Variants in IGHMBP2 observed in about 807,000 individuals in gnomAD.
The protein encoded by IGHMBP2 is immunoglobulin mu DNA binding protein 2.
Under a neutral mutation model 96.0 loss-of-function variants are expected in IGHMBP2, and 81 were observed. The ratio of observed to expected loss-of-function variants is 0.84; its 90% CI spans 0.71 to 1.01. The LOEUF is 1.01. IGHMBP2 is among the 50% of genes least tolerant of loss of function. IGHMBP2 has a pLI of 0.00. For missense variants in IGHMBP2, 1,227 were observed against 1,306.3 expected, an observed-to-expected ratio of 0.94 and a Z score of 0.94; for synonymous variants, 557 against 548.9, an observed-to-expected ratio of 1.01 and a Z score of -0.21.
At chr11:68,914,386 C>T (rs1041751989) in intron 5 of IGHMBP2, among the ~76,000 whole-genome samples, 1 of 152,142 alleles carries the variant, frequency 6.6e-6, no homozygotes, top group South Asian at 2.1e-4. Flanking sequence ...TTCCCTTGTC[C>T]CCCTCGCAGG....
At chr11:68,911,179 A>G (rs546699959) in intron 4 of IGHMBP2, among the ~76,000 whole-genome samples, 298 of 152,256 alleles carry the variant, frequency 2.0e-3, no homozygotes, top group Admixed American at 3.9e-3. Flanking sequence ...TATGTAAATC[A>G]ATGGGTGTGG....
chr11:68,935,074 A>T (rs562428047), intron 11 of IGHMBP2, among the ~76,000 whole-genome samples: 1 of 152,350 alleles, frequency 6.6e-6, no homozygotes, highest in South Asian at 2.1e-4. Context: ...CGGCTGTCAT[A>T]AGCCAAAAGA....
At chr11:68,904,718 A>G (rs142513203) in intron 1 of IGHMBP2, among the ~76,000 whole-genome samples, 178 of 152,190 alleles carry the variant, frequency 1.2e-3, no homozygotes, top group African/African-American at 4.1e-3. Flanking sequence ...AATCAGAGCT[A>G]ACACTTACGT....
Position 68,906,157 on chromosome 11 carries a change from C to T in IGHMBP2, c.175C>T (p.Leu59=), listed in dbSNP as rs1388384906. ...GCAGGTATCCAGCCAGCGCACTGGG[C>T]TGTACGGACGGCTGCTGGTCACCTT... The part of the protein sequence containing the change: ...KLQVSSQRTG[L]YGRLLVTFEP... Residue 59 remains leucine, a synonymous_variant, in exon 2 of 15, where the codon CTG becomes TTG. Transcript: ENST00000255078. 16 of 1,614,030 alleles carry T rather than the reference C, an allele frequency of 9.9e-6. No homozygotes were observed. Among genetic ancestry groups the T allele is most frequent in the Non-Finnish European group, 1.4e-5 (16 of 1,180,020 alleles).
chr11:68,930,491 G>A (rs1295596948), intron 8 of IGHMBP2: 8 of 1,271,976 alleles, frequency 6.3e-6, no homozygotes, highest in Admixed American at 2.4e-5. Flanking sequence ...GGAGGAAGAT[G>A]TTGGAAATAA....
In IGHMBP2 at chr11:68,933,304, C is replaced by T. The variant is rs1465465295; in HGVS notation, c.1241C>T (p.Ala414Val). The T allele has an allele frequency of 2.5e-6, 4 of 1,611,904 alleles. No homozygotes were observed. Among genetic ancestry groups the T allele is most frequent in the East Asian group, 2.2e-5 (1 of 44,854 alleles). Residue 414 changes from alanine (A) to valine (V), a missense_variant, in exon 9 of 15, where the codon GCG (alanine) becomes GTG (valine). Ala to Val is a moderately conservative substitution (Grantham distance 64). Around this residue, in one of 3 missense-constraint regions of IGHMBP2, gnomAD observed 17 missense variants for 39.1 expected, o/e 0.43. Coordinates refer to ENST00000255078, the MANE Select transcript of IGHMBP2 (RefSeq NM_002180.3). The stretch of plus-strand genomic sequence containing the variant: ...TTTCTCCCTCCTGGGCGCAGGGCTG[C>T]GCTGGCAGGACTGTCACTCAGCCTG... ...LPPTTVSHKA[A>V]LAGLSLSLME...
rs746248057 is a variant in IGHMBP2 at position 68,937,024 on chromosome 11, C to G, written c.2544C>G (p.Pro848=). 1.9e-6 allele frequency: 3 copies of G among 1,608,068 alleles called. No homozygotes were observed. In the African/African-American group the frequency reaches 4.0e-5, roughly 21 times the overall value. The part of the protein sequence containing the change: ...LQRVRSAQGQ[P]ASKEQQASGQ... ...GGGTCAGGAGCGCGCAGGGGCAGCC[C>G]GCCAGCAAGGAGCAGCAGGCCTCAG... The change falls in exon 13 of 15, where the codon CCC becomes CCG. Residue 848 remains proline, a synonymous_variant. Transcript: ENST00000255078.
chr11:68,917,821 G>T lies in IGHMBP2; in HGVS notation c.998G>T (p.Arg333Met). 1 of 1,614,064 alleles carries T rather than the reference G, an allele frequency of 6.2e-7. No homozygotes were observed. The highest frequency in any genetic ancestry group is 8.5e-7 in the Non-Finnish European group (1 of 1,179,902). Residue 333 changes from arginine to methionine, a missense_variant, in exon 7 of 15, where the codon AGG (arginine) becomes ATG (methionine). Coordinates refer to ENST00000255078, the MANE Select transcript of IGHMBP2 (RefSeq NM_002180.3). Reference sequence around the variant, plus strand: ...CTGTTAAGAAAAGAACTGAAGGAGAGGGAAGAAGCAGCTATGCTCGAGAGC... The same window carrying T: ...CTGTTAAGAAAAGAACTGAAGGAGATGGAAGAAGCAGCTATGCTCGAGAGC... ...IKLLRKELKE[R>M]EEAAMLESLT... is the part of the protein sequence containing the mutation.
At chr11:68,924,530 T>C (rs1858994547) in intron 7 of IGHMBP2, among the ~76,000 whole-genome samples, 1 of 152,228 alleles carries the variant, frequency 6.6e-6, no homozygotes, top group African/African-American at 2.4e-5. Flanking sequence ...CTGGAAAGGA[T>C]CTTTCTTCAG....
chr11:68,933,409 T>G lies in IGHMBP2; in HGVS notation c.1346T>G (p.Met449Arg). The change falls in exon 9 of 15, where the codon ATG becomes AGG. Residue 449 changes from methionine to arginine, a missense_variant. Met to Arg is a moderately conservative substitution (Grantham distance 91). Transcript: ENST00000255078. Reference protein sequence around the residue: ...TVQYRMHQAIMRWASDTMYLG... With the variant: ...TVQYRMHQAIRRWASDTMYLG... ...CAGTACCGCATGCACCAGGCTATCA[T>G]GCGCTGGGCCTCAGACACCATGTAC... The G allele has an allele frequency of 1.2e-6, 2 of 1,613,296 alleles. No individual in the cohort carries two copies. The highest frequency in any genetic ancestry group is 1.7e-6 in the Non-Finnish European group (2 of 1,179,918).
At chr11:68,905,946 T>C in intron 1 of IGHMBP2, 123 bp from the exon 2 acceptor site, 2 of 985,040 alleles carry the variant, frequency 2.0e-6, no homozygotes, top group Middle Eastern at 3.1e-4. Flanking sequence ...GGAGTTCCAT[T>C]GGGACATATT....
chr11:68,922,499 G>A (rs1231908030), intron 7 of IGHMBP2, among the ~76,000 whole-genome samples: 3 of 151,138 alleles, frequency 2.0e-5, no homozygotes, highest in Middle Eastern at 3.4e-3. Context: ...GGGTTCAAGC[G>A]ATTCTTCTGT....
intron 13 of IGHMBP2, chr11:68,937,891 A>G (rs893719190): frequency 2.2e-6 from 1 of 463,986 alleles, no homozygotes; most frequent in African/African-American, 2.0e-5. Flanking sequence ...GCTAGAGGAC[A>G]GGACTGATGC....
chr11:68,938,124 T>C (rs1859621541), intron 13 of IGHMBP2, 58 bp from the exon 14 acceptor site: 3 of 1,590,698 alleles, frequency 1.9e-6, no homozygotes, highest in Non-Finnish European at 2.6e-6. Context: ...TTTAAAACCT[T>C]AAATGAGGGG....
At chr11:68,918,458 A>G (rs1477881762) in intron 7 of IGHMBP2, among the ~76,000 whole-genome samples, 1 of 152,034 alleles carries the variant, frequency 6.6e-6, no homozygotes, top group Non-Finnish European at 1.5e-5. Flanking sequence ...CCTAGCCAAC[A>G]TGGTGAAACC....
chr11:68,904,188 C>T, intron 1 of IGHMBP2, 150 bp downstream of exon 1: 2 of 703,728 alleles, frequency 2.8e-6, no homozygotes, highest in East Asian at 5.4e-5. Context: ...CCCTGCTTGG[C>T]CACCTCCCGA....
rs543587344 is a variant in IGHMBP2, at chr11:68,939,973, C to T, written c.*242C>T. 1.8e-3 allele frequency: 1,031 copies of T among 562,498 alleles called. 3 individuals are homozygous for T. The highest frequency in any genetic ancestry group is 2.2e-3 in the Non-Finnish European group (683 of 315,540). 34.8% of individuals were successfully genotyped at this position (562,498 alleles called of 1,614,324 possible). Reference sequence around the variant, plus strand: ...GTGCAGGTGGGGCTTGGGAAATGCACGTCCCTTCCCCTTACTCCCCGCCAA... The same window carrying T: ...GTGCAGGTGGGGCTTGGGAAATGCATGTCCCTTCCCCTTACTCCCCGCCAA... On this transcript the variant is annotated 3_prime_UTR_variant, in exon 15 of 15. Transcript: ENST00000255078.
chr11:68,931,683 G>A (rs1037110405), intron 8 of IGHMBP2, among the ~76,000 whole-genome samples: 2 of 152,178 alleles, frequency 1.3e-5, no homozygotes, highest in East Asian at 3.9e-4. Context: ...GATGGCAGCA[G>A]CCACTGCCAT....
chr11:68,911,974 G>A (rs929107241), intron 5 of IGHMBP2, among the ~76,000 whole-genome samples: 3 of 152,248 alleles, frequency 2.0e-5, no homozygotes, highest in Non-Finnish European at 4.4e-5. Context: ...GTCTGTGCCC[G>A]TCAGGAGCTC....
Sources: gnomAD v4.1 joint callset for allele counts (sites outside exome capture counted in the v4.1 genomes callset) on GRCh38, gnomAD v4.1.1 for gene constraint, gnomAD v4.1.1 regional missense constraint, MANE v1.5 for transcripts, NCBI Gene and HGNC (gene_info 2026-07-23, HGNC 2026-07-21) for gene names.